The following RNGTT variants were observed in gnomAD, a reference collection of about 807,000 sequenced individuals.
The protein encoded by RNGTT is RNA guanylyltransferase and 5'-phosphatase, also known as mRNA-capping enzyme.
Under a neutral mutation model 79.3 loss-of-function variants are expected in RNGTT, and 33 were observed. That is an observed-to-expected ratio of 0.42 (90% CI 0.32 to 0.56). The LOEUF (loss-of-function observed/expected upper bound fraction) is 0.56, where lower values mean the gene tolerates loss of function less well. RNGTT is among the 20% of genes least tolerant of loss of function. The probability of loss-of-function intolerance (pLI) is 0.17; values close to 1 mark genes in which losing one functional copy is unlikely to be tolerated. For missense variants in RNGTT, 497 were observed against 739.1 expected, an observed-to-expected ratio of 0.67 and a Z score of 3.80; for synonymous variants, 222 against 235.9, an observed-to-expected ratio of 0.94 and a Z score of 0.54.
intron 13 of RNGTT, among the ~76,000 whole-genome samples, chr6:88,726,975 A>G (rs190810367): frequency 8.7e-4 from 130 of 149,396 alleles, no homozygotes; most frequent in South Asian, 2.0e-3. Flanking sequence ...GAAAAGAATG[A>G]TTATCATCTC....
intron 1 of RNGTT, among the ~76,000 whole-genome samples, chr6:88,960,745 T>C (rs901460214): frequency 5.3e-5 from 8 of 152,232 alleles, no homozygotes; most frequent in Non-Finnish European, 1.2e-4. Context: ...TCATTGCAAG[T>C]CTGGTTTCAT....
chr6:88,900,249 A>G (rs1350664896), intron 6 of RNGTT, among the ~76,000 whole-genome samples: 1 of 152,194 alleles, frequency 6.6e-6, no homozygotes, highest in Admixed American at 6.5e-5. Context: ...CTTTTTAAAA[A>G]CTGGTTTTAA....
chr6:88,664,525 G>C (rs890062864), intron 14 of RNGTT, among the ~76,000 whole-genome samples: 1 of 152,194 alleles, frequency 6.6e-6, no homozygotes, highest in Non-Finnish European at 1.5e-5. Context: ...TGCCAACCCG[G>C]TGAAATGCTG....
chr6:88,787,474 C>T (rs1779265905), intron 12 of RNGTT, among the ~76,000 whole-genome samples: 1 of 152,086 alleles, frequency 6.6e-6, no homozygotes, highest in African/African-American at 2.4e-5. Flanking sequence ...TCCTGGCCAA[C>T]ATGGTGAAAC....
intron 13 of RNGTT, among the ~76,000 whole-genome samples, chr6:88,683,671 T>C (rs1041875385): frequency 1.3e-5 from 2 of 151,996 alleles, no homozygotes; most frequent in African/African-American, 4.8e-5. Flanking sequence ...ATGTGAAAAA[T>C]AAGTTTCATC....
intron 8 of RNGTT, among the ~76,000 whole-genome samples, chr6:88,886,592 T>G: frequency 6.6e-6 from 1 of 152,284 alleles, no homozygotes; most frequent in Middle Eastern, 3.4e-3. Flanking sequence ...ATTAGAAGAT[T>G]TTTTAAATGC....
Position 88,756,562 on chromosome 6 carries a change from C to A in RNGTT, c.1439+13212G>T, listed in dbSNP as rs372947915. On this transcript the variant is annotated intron_variant, in intron 13 of 15. Transcript: ENST00000369485. ...ATACAAATGTTGAATGGACTAAATT[C>A]TTGTGTTAAAAATAAGAGGCTACAG... Among the ~76,000 whole-genome samples, 373 of 152,184 alleles carry A rather than the reference C, an allele frequency of 2.5e-3. 4 individuals carry two copies. Among genetic ancestry groups the A allele is most frequent in the Middle Eastern group, 0.01 (3 of 294 alleles).
intron 13 of RNGTT, among the ~76,000 whole-genome samples, chr6:88,694,896 T>C (rs767992730): frequency 6.6e-6 from 1 of 152,114 alleles, no homozygotes; most frequent in Non-Finnish European, 1.5e-5. Context: ...AATCACATAC[T>C]AGCCCCTTGA....
intron 13 of RNGTT, among the ~76,000 whole-genome samples, chr6:88,715,405 G>C (rs1364350178): frequency 6.6e-6 from 1 of 152,074 alleles, no homozygotes; most frequent in African/African-American, 2.4e-5. Flanking sequence ...GTAATTTATA[G>C]ATTCAATGCC....
intron 13 of RNGTT, among the ~76,000 whole-genome samples, chr6:88,752,083 C>T (rs1374766285): frequency 2.0e-5 from 3 of 151,818 alleles, no homozygotes; most frequent in East Asian, 1.9e-4. Context: ...AAAAGGACTG[C>T]ATTAACAATG....
intron 12 of RNGTT, among the ~76,000 whole-genome samples, chr6:88,791,547 TA>T (rs1202167655): frequency 6.6e-6 from 1 of 151,370 alleles, no homozygotes; most frequent in Non-Finnish European, 1.5e-5. Flanking sequence ...TTTATTTATT[TA>T]TTTTTTTTTG....
intron 8 of RNGTT, among the ~76,000 whole-genome samples, chr6:88,858,879 A>T: frequency 6.6e-6 from 1 of 152,216 alleles, no homozygotes; most frequent in East Asian, 1.9e-4. Flanking sequence ...ACAAGATAGA[A>T]TGCAGCAATG....
At chr6:88,885,117 C>T (rs971876547) in intron 8 of RNGTT, among the ~76,000 whole-genome samples, 1 of 151,402 alleles carries the variant, frequency 6.6e-6, no homozygotes, top group Non-Finnish European at 1.5e-5. Flanking sequence ...TATGTATATA[C>T]TCACACACAC....
At chr6:88,672,196 T>G (rs928453287) in intron 14 of RNGTT, among the ~76,000 whole-genome samples, 2 of 109,788 alleles carry the variant, frequency 1.8e-5, no homozygotes, top group African/African-American at 8.8e-5. Context: ...GGAGAAAATG[T>G]ATATACATAT....
chr6:88,698,200 G>GATATATATGACATATATATGAT (rs1775787180), intron 13 of RNGTT, among the ~76,000 whole-genome samples: 1 of 81,324 alleles, frequency 1.2e-5, no homozygotes, highest in Non-Finnish European at 1.9e-5. Context: ...AAATATATAT[G>GATATATATGACATATATATGAT]ATATATATGA....
At chr6:88,792,587 T>C (rs953836410) in intron 12 of RNGTT, among the ~76,000 whole-genome samples, 1 of 152,182 alleles carries the variant, frequency 6.6e-6, no homozygotes, top group Non-Finnish European at 1.5e-5. Flanking sequence ...AACTTTATTT[T>C]AATAGAAACA....
chr6:88,940,621 T>C (rs1784816470), intron 2 of RNGTT, among the ~76,000 whole-genome samples: 1 of 152,134 alleles, frequency 6.6e-6, no homozygotes, highest in Non-Finnish European at 1.5e-5. Context: ...TTCTCTTAAA[T>C]GGAAAAACTA....
chr6:88,833,510 A>G (rs902163856), intron 11 of RNGTT, among the ~76,000 whole-genome samples: 1 of 152,168 alleles, frequency 6.6e-6, no homozygotes, highest in African/African-American at 2.4e-5. Flanking sequence ...ACCATGGCAC[A>G]TGTGTGTAAC....
intron 13 of RNGTT, among the ~76,000 whole-genome samples, chr6:88,683,563 T>C (rs942103624): frequency 6.6e-6 from 1 of 152,190 alleles, no homozygotes; most frequent in African/African-American, 2.4e-5. Context: ...ATTAATTTTA[T>C]AAAGTTAGCA....
Sources: allele counts gnomAD v4.1 joint callset (sites outside exome capture counted in the v4.1 genomes callset), GRCh38; gene constraint gnomAD v4.1.1; transcripts MANE v1.5; gene names NCBI Gene and HGNC (gene_info 2026-07-23, HGNC 2026-07-21).